The following CCDC91 variants were observed in gnomAD, a reference collection of about 807,000 sequenced individuals.
CCDC91 encodes coiled-coil domain-containing protein 91.
CCDC91 carries 48 observed loss-of-function variants against 63.2 expected under a neutral mutation model. The observed-to-expected ratio is 0.76, with a 90% CI of 0.60 to 0.97. The LOEUF (loss-of-function observed/expected upper bound fraction) is 0.97. Among genes scored for constraint, CCDC91 ranks in the 50% least tolerant of loss-of-function variants. The pLI, the probability that CCDC91 is intolerant of heterozygous loss-of-function variation, is 0.00. For missense variants in CCDC91, 500 were observed against 494.6 expected, an observed-to-expected ratio of 1.01 and a Z score of -0.10; for synonymous variants, 167 against 165.8, an observed-to-expected ratio of 1.01 and a Z score of -0.06.
At chr12:28,344,467 A>G (rs1942665344) in intron 6 of CCDC91, among the ~76,000 whole-genome samples, 1 of 152,116 alleles carries the variant, frequency 6.6e-6, no homozygotes, top group South Asian at 2.1e-4. Context: ...CTCATTTGAA[A>G]AAGATTTATT....
intron 7 of CCDC91, among the ~76,000 whole-genome samples, chr12:28,382,755 G>C (rs910618256): frequency 2.6e-5 from 4 of 152,124 alleles, no homozygotes; most frequent in Admixed American, 6.6e-5. Context: ...CCCATGATCA[G>C]TGATTTTATA....
intron 12 of CCDC91, among the ~76,000 whole-genome samples, chr12:28,522,285 C>T (rs1461263838): frequency 6.6e-6 from 1 of 152,122 alleles, no homozygotes. Flanking sequence ...TCAACTTCTT[C>T]CTGGTTTAGT....
intron 12 of CCDC91, among the ~76,000 whole-genome samples, chr12:28,531,344 T>A (rs1181139905): frequency 2.0e-5 from 3 of 152,160 alleles, no homozygotes; most frequent in African/African-American, 7.2e-5. Flanking sequence ...CGACAAATTA[T>A]CAAAATTTTT....
chr12:28,378,247 T>C (rs964433491), intron 7 of CCDC91, among the ~76,000 whole-genome samples: 2 of 152,098 alleles, frequency 1.3e-5, no homozygotes, highest in Non-Finnish European at 2.9e-5. Context: ...AGGTCAGATA[T>C]ATGCTAAATA....
At chr12:28,198,513 A>G (rs1258069942) in intron 1 of CCDC91, among the ~76,000 whole-genome samples, 1 of 152,190 alleles carries the variant, frequency 6.6e-6, no homozygotes, top group Non-Finnish European at 1.5e-5. Flanking sequence ...AAAACAAAAT[A>G]AGCCTGTGAA....
At chr12:28,356,934 C>A (rs1304334832) in intron 6 of CCDC91, among the ~76,000 whole-genome samples, 1 of 152,094 alleles carries the variant, frequency 6.6e-6, no homozygotes, top group African/African-American at 2.4e-5. Context: ...ATAATTCATT[C>A]CAAACACATC....
At chr12:28,297,833 A>G (rs1459620448) in intron 3 of CCDC91, among the ~76,000 whole-genome samples, 2 of 151,886 alleles carry the variant, frequency 1.3e-5, no homozygotes, top group Admixed American at 1.3e-4. Context: ...TTTACATACT[A>G]GAATTTGTAA....
rs555996685 is a variant in CCDC91 at position 28,475,202 on chromosome 12, G to A, written c.1102-8850G>A. The stretch of plus-strand genomic sequence containing the variant: ...TGACTCATTTTTATCTGACTTGGAA[G>A]TCAACTCTAACTTACTGCCTTCCTT... On this transcript the variant is annotated intron_variant, in intron 11 of 12. Coordinates refer to ENST00000536442, the MANE Select transcript of CCDC91 (RefSeq NM_018318.5). Among the ~76,000 whole-genome samples the A allele has an allele frequency of 2.0e-5, 3 of 152,182 alleles. No homozygotes were observed. In the South Asian group the frequency reaches 6.2e-4, roughly 32 times the overall value.
intron 8 of CCDC91, among the ~76,000 whole-genome samples, chr12:28,423,059 A>G (rs182132368): frequency 4.6e-5 from 7 of 152,096 alleles, no homozygotes. Context: ...GAAAACAGAA[A>G]CTCTAGAGTA....
At chr12:28,528,177 G>A (rs1441860708) in intron 12 of CCDC91, among the ~76,000 whole-genome samples, 1 of 152,132 alleles carries the variant, frequency 6.6e-6, no homozygotes, top group East Asian at 1.9e-4. Context: ...TTCTCCCTGT[G>A]GTTTTTTTCC....
chr12:28,385,375 A>G (rs1302934575), intron 7 of CCDC91, among the ~76,000 whole-genome samples: 1 of 152,198 alleles, frequency 6.6e-6, no homozygotes. Flanking sequence ...TTAGTTACTC[A>G]ATGTATTTGT....
intron 3 of CCDC91, among the ~76,000 whole-genome samples, chr12:28,267,920 TTATA>T (rs1358174597): frequency 1.5e-5 from 1 of 67,324 alleles, no homozygotes; most frequent in East Asian, 2.6e-4. Flanking sequence ...TATATAATTA[TTATA>T]ATTATATATA....
chr12:28,225,050 G>GC (rs1490526327), intron 1 of CCDC91, among the ~76,000 whole-genome samples: 1 of 152,122 alleles, frequency 6.6e-6, no homozygotes, highest in African/African-American at 2.4e-5. Context: ...TAGGACTAGA[G>GC]CCCCATGCCC....
At chr12:28,467,039 T>C (rs12315564) in intron 11 of CCDC91, among the ~76,000 whole-genome samples, 1 of 152,044 alleles carries the variant, frequency 6.6e-6, no homozygotes, top group Non-Finnish European at 1.5e-5. Context: ...GAGCTTAAAA[T>C]AACGGGTACT....
At chr12:28,408,205 A>G (rs1947089266) in intron 8 of CCDC91, among the ~76,000 whole-genome samples, 1 of 151,268 alleles carries the variant, frequency 6.6e-6, no homozygotes, top group South Asian at 2.1e-4. Context: ...TCATTGTTCA[A>G]CTCCCATTTA....
chr12:28,194,235 G>T (rs1941536908), intron 1 of CCDC91, among the ~76,000 whole-genome samples: 1 of 151,964 alleles, frequency 6.6e-6, no homozygotes, highest in Non-Finnish European at 1.5e-5. Flanking sequence ...GTGAGGTAGG[G>T]GTCAAGACTC....
At chr12:28,193,279 G>A (rs1040898175) in intron 1 of CCDC91, among the ~76,000 whole-genome samples, 1 of 152,100 alleles carries the variant, frequency 6.6e-6, no homozygotes, top group African/African-American at 2.4e-5. Context: ...TGGAATTCTT[G>A]GGCCGTGTGC....
chr12:28,539,856 A>C (rs1416365107), intron 12 of CCDC91, among the ~76,000 whole-genome samples: 1 of 152,066 alleles, frequency 6.6e-6, no homozygotes, highest in African/African-American at 2.4e-5. Context: ...TTGTTTGTTT[A>C]AGACTTCAGT....
At chr12:28,391,509 T>A in intron 8 of CCDC91, 98 bp downstream of exon 8, 2 of 640,746 alleles carry the variant, frequency 3.1e-6, no homozygotes, top group South Asian at 5.6e-5. Context: ...TCCATTTACT[T>A]GGTGTATTTT....
Sources: gnomAD v4.1 joint callset for allele counts (sites outside exome capture counted in the v4.1 genomes callset) on GRCh38, gnomAD v4.1.1 for gene constraint, MANE v1.5 for transcripts, NCBI Gene and HGNC (gene_info 2026-07-23, HGNC 2026-07-21) for gene names.